The following PRDM2 variants were observed in gnomAD, a reference collection of about 807,000 sequenced individuals.
PRDM2 encodes the protein PR domain zinc finger protein 2.
PRDM2 carries 30 observed loss-of-function variants against 130.0 expected under a neutral mutation model. The ratio of observed to expected loss-of-function variants is 0.23; its 90% CI spans 0.17 to 0.31. The LOEUF (loss-of-function observed/expected upper bound fraction) is 0.31. Ranked by LOEUF, PRDM2 falls within the 10% of genes least tolerant of loss-of-function variation. PRDM2 has a pLI of 1.00. For missense variants in PRDM2, 2,011 were observed against 2,108.4 expected, an observed-to-expected ratio of 0.95 and a Z score of 0.90; for synonymous variants, 871 against 782.4, an observed-to-expected ratio of 1.11 and a Z score of -1.89.
chr1:13,786,674 T>A, intron 8 of PRDM2: 2 of 1,516,030 alleles, frequency 1.3e-6, no homozygotes, highest in East Asian at 4.6e-5. Context: ...TTCAGCTGAT[T>A]GCCGGCAGGC....
intron 2 of PRDM2, among the ~76,000 whole-genome samples, chr1:13,727,323 C>T (rs895829837): frequency 2.6e-5 from 4 of 152,112 alleles, no homozygotes; most frequent in Non-Finnish European, 4.4e-5. Context: ...GGCACGATCT[C>T]GGCTCATTGC....
intron 6 of PRDM2, among the ~76,000 whole-genome samples, chr1:13,758,139 ATTG>A (rs1280734896): frequency 6.6e-6 from 1 of 151,996 alleles, no homozygotes; most frequent in African/African-American, 2.4e-5. Context: ...ACTTTATTTG[ATTG>A]TTAAGACTTA....
chr1:13,786,818 A>C, intron 8 of PRDM2: 2 of 1,231,942 alleles, frequency 1.6e-6, no homozygotes, highest in Non-Finnish European at 2.0e-6. Context: ...CTGGTACCTC[A>C]GATCTGAGCA....
intron 8 of PRDM2, among the ~76,000 whole-genome samples, chr1:13,798,769 A>G (rs552240736): frequency 7.9e-4 from 120 of 152,300 alleles, no homozygotes; most frequent in Non-Finnish European, 1.2e-3. Context: ...AGGGGTGGGA[A>G]TGGGGGGATC....
intron 9 of PRDM2, among the ~76,000 whole-genome samples, chr1:13,821,690 C>G (rs1287373035): frequency 6.6e-6 from 1 of 152,102 alleles, no homozygotes; most frequent in African/African-American, 2.4e-5. Flanking sequence ...TGGTCTCGAA[C>G]TCCTGACCTC....
At chr1:13,751,281 G>A (rs775977850) in intron 6 of PRDM2, among the ~76,000 whole-genome samples, 3 of 151,950 alleles carry the variant, frequency 2.0e-5, no homozygotes, top group Non-Finnish European at 4.4e-5. Context: ...CTATTATTTT[G>A]TACTACTCTG....
At chr1:13,765,724 C>T (rs987341251) in intron 6 of PRDM2, among the ~76,000 whole-genome samples, 4 of 152,176 alleles carry the variant, frequency 2.6e-5, no homozygotes, top group African/African-American at 9.7e-5. Flanking sequence ...CTCGGCCTCC[C>T]AAAGTGTTGG....
At chr1:13,751,151 G>A (rs1643823351) in intron 6 of PRDM2, among the ~76,000 whole-genome samples, 1 of 152,004 alleles carries the variant, frequency 6.6e-6, no homozygotes, top group African/African-American at 2.4e-5. Context: ...GTTGGATTTG[G>A]GGAAAAACTT....
intron 5 of PRDM2, 94 bp from the exon 6 acceptor site, chr1:13,749,267 G>T: frequency 3.4e-6 from 4 of 1,173,522 alleles, no homozygotes; most frequent in Non-Finnish European, 2.2e-6. Flanking sequence ...GTTTGCCATC[G>T]GCGCCGCTCC....
chr1:13,787,819 C>T, intron 8 of PRDM2: 2 of 982,040 alleles, frequency 2.0e-6, no homozygotes, highest in Non-Finnish European at 2.4e-6. Flanking sequence ...CTAATGAAAA[C>T]ATTAAAATTT....
intron 6 of PRDM2, among the ~76,000 whole-genome samples, chr1:13,768,080 T>G (rs1644270009): frequency 6.8e-6 from 1 of 147,566 alleles, no homozygotes; most frequent in South Asian, 2.2e-4. Flanking sequence ...TTGAGTTTTT[T>G]TTTTTTTTTT....
chr1:13,759,094 A>C (rs1461844248), intron 6 of PRDM2, among the ~76,000 whole-genome samples: 1 of 152,022 alleles, frequency 6.6e-6, no homozygotes, highest in East Asian at 1.9e-4. Context: ...AGTTATGGAG[A>C]GTAGCAAAGG....
chr1:13,757,208 A>G (rs539158171), intron 6 of PRDM2, among the ~76,000 whole-genome samples: 2 of 152,324 alleles, frequency 1.3e-5, no homozygotes, highest in South Asian at 2.1e-4. Flanking sequence ...GGTATATTGT[A>G]TTCCTTCAAA....
intron 6 of PRDM2, chr1:13,770,327 G>A (rs762397758): frequency 2.0e-6 from 1 of 490,828 alleles, no homozygotes; most frequent in South Asian, 1.5e-5. Context: ...TAGCACTTAT[G>A]TTTTAGACAG....
chr1:13,811,103 G>C (rs2100755510), intron 8 of PRDM2, among the ~76,000 whole-genome samples: 1 of 152,126 alleles, frequency 6.6e-6, no homozygotes, highest in African/African-American at 2.4e-5. Flanking sequence ...AGAATCGCTT[G>C]AACCTGGGAG....
rs1207341670 is a variant in PRDM2 at position 13,782,615 on chromosome 1, C to A, written c.4820C>A (p.Thr1607Lys). 6.2e-7 allele frequency: 1 copy of A among 1,614,138 alleles called. No homozygotes were observed. The highest frequency in any genetic ancestry group is 2.2e-5 in the East Asian group (1 of 44,890). Reference protein sequence around the residue: ...KNHSAQLSSKTSRSLHVRVQK... With the variant: ...KNHSAQLSSKKSRSLHVRVQK... ...CATTCTGCTCAGCTTTCCAGCAAAA[C>A]ATCACGGAGCCTGCACGTGAGGGTA... Residue 1607 changes from threonine (T) to lysine (K), a missense_variant, in exon 8 of 10, where the codon ACA (threonine) becomes AAA (lysine). Transcript: ENST00000311066.
At chr1:13,714,336 G>A (rs1472373446) in intron 1 of PRDM2, among the ~76,000 whole-genome samples, 1 of 149,568 alleles carries the variant, frequency 6.7e-6, no homozygotes, top group Non-Finnish European at 1.5e-5. Flanking sequence ...GCAATTCTCT[G>A]GCTTTTTTTT....
chr1:13,781,944 G>C lies in PRDM2; in HGVS notation c.4149G>C (p.Val1383=), dbSNP rs1208573630. 6.2e-7 allele frequency: 1 copy of C among 1,614,056 alleles called. No homozygotes were observed. The highest frequency in any genetic ancestry group is 2.2e-5 in the East Asian group (1 of 44,894). Residue 1383 remains valine (V), a synonymous_variant, in exon 8 of 10, where the codon GTG becomes GTC. Coordinates refer to ENST00000311066, the MANE Select transcript of PRDM2 (RefSeq NM_001393986.1). This position sits in a 1 kb window ranked among gnomAD's most constrained non-coding sequence, Gnocchi z 6.1. ...LKQTVQPKNG[V]VVLDNSGKNA... ...AAACTGTGCAACCCAAAAATGGCGT[G>C]GTGGTTTTAGATAACTCTGGGAAAA...
intron 1 of PRDM2, among the ~76,000 whole-genome samples, chr1:13,714,070 C>T (rs1007091154): frequency 3.3e-5 from 5 of 152,120 alleles, no homozygotes; most frequent in East Asian, 1.9e-4. Context: ...GGGGTTTCAC[C>T]GTGTTAGCCA....
Sources: allele counts gnomAD v4.1 joint callset (sites outside exome capture counted in the v4.1 genomes callset), GRCh38; gene constraint gnomAD v4.1.1; non-coding constraint Gnocchi (gnomAD v3.1); transcripts MANE v1.5; gene names NCBI Gene and HGNC (gene_info 2026-07-23, HGNC 2026-07-21).